The following SGIP1 variants were observed in gnomAD, a reference collection of about 807,000 sequenced individuals.
SGIP1 encodes SH3-containing GRB2-like protein 3-interacting protein 1.
A neutral mutation model predicts 107.5 loss-of-function variants in SGIP1; 38 were observed. That is an observed-to-expected ratio of 0.35 (90% CI 0.27 to 0.46). SGIP1 has a LOEUF of 0.46. Ranked by LOEUF, SGIP1 falls within the 20% of genes least tolerant of loss-of-function variation. SGIP1 has a pLI of 1.00. For missense variants in SGIP1, 929 were observed against 1,019.5 expected (o/e 0.91, Z 1.21); for synonymous variants, 365 against 366.1 (o/e 1.00, Z 0.03).
At chr1:66,741,460 C>T in intron 24 of SGIP1, 24 bp downstream of exon 24, 1 of 1,538,204 alleles carries the variant, frequency 6.5e-7, no homozygotes, top group Non-Finnish European at 8.8e-7. Context: ...TTGATTTTTT[C>T]ATTTGCGAAA....
rs1187116315 is a variant in SGIP1 at position 66,643,642 on chromosome 1, G to C, written c.382G>C (p.Asp128His). The C allele has an allele frequency of 6.2e-7, 1 of 1,611,316 alleles. No homozygotes were observed. The highest frequency in any genetic ancestry group is 1.7e-5 in the Admixed American group (1 of 59,372). Residue 128 changes from aspartate to histidine, a missense_variant, in exon 7 of 25, where the codon GAC becomes CAC. This residue lies in a region of SGIP1 where 588 missense variants were observed against 588.6 expected (regional missense o/e 1.00). Coordinates refer to ENST00000371037, the MANE Select transcript of SGIP1 (RefSeq NM_032291.4). ...NIKIKPLQSK[D>H]ILKNAATVDE... ...CAAGATTAAACCATTGCAATCTAAA[G>C]ACATTCTTAAGAATGCTGCAACTGT...
chr1:66,710,336 C>T (rs1229339556), intron 18 of SGIP1, among the ~76,000 whole-genome samples: 2 of 152,084 alleles, frequency 1.3e-5, no homozygotes, highest in Non-Finnish European at 2.9e-5. Context: ...GAGCCTGAAA[C>T]TGTATGTTAC....
chr1:66,741,323 C>T lies in SGIP1; in HGVS notation c.2351C>T (p.Pro784Leu), dbSNP rs2094440762. The T allele has an allele frequency of 1.2e-6, 2 of 1,606,016 alleles. No homozygotes were observed. The highest frequency in any genetic ancestry group is 2.7e-5 in the African/African-American group (2 of 74,528). The change falls in exon 24 of 25, where the codon CCT becomes CTT. Residue 784 changes from proline (P) to leucine (L), a missense_variant. Physicochemically the swap from Pro to Leu is moderately conservative, Grantham distance 98. This residue lies in a region of SGIP1 where 341 missense variants were observed against 430.9 expected (regional missense o/e 0.79). Transcript: ENST00000371037. ...CAGTTATCTGAAGGCCCAAGCAAAC[C>T]TTCTCCATTGGTTGTGCAGTTCACA... The part of the protein sequence containing the change: ...RFQLSEGPSK[P>L]SPLVVQFTSE...
intron 1 of SGIP1, among the ~76,000 whole-genome samples, chr1:66,548,573 G>A (rs2056848498): frequency 3.9e-5 from 6 of 152,084 alleles, no homozygotes; most frequent in Admixed American, 3.9e-4. Flanking sequence ...TGGCTTTGAA[G>A]CACTTCAATT....
At chr1:66,536,850 T>G (rs182395901) in intron 1 of SGIP1, among the ~76,000 whole-genome samples, 17 of 152,286 alleles carry the variant, frequency 1.1e-4, no homozygotes, top group African/African-American at 4.1e-4. Flanking sequence ...GGCTGTACAT[T>G]TCTATATTGC....
At chr1:66,696,910 C>T (rs1171979783) in intron 18 of SGIP1, among the ~76,000 whole-genome samples, 1 of 152,230 alleles carries the variant, frequency 6.6e-6, no homozygotes, top group African/African-American at 2.4e-5. Flanking sequence ...AAAGAAGAAA[C>T]TACAGTTGCA....
chr1:66,718,073 G>C (rs2093344739), intron 18 of SGIP1, among the ~76,000 whole-genome samples: 1 of 152,142 alleles, frequency 6.6e-6, no homozygotes, highest in South Asian at 2.1e-4. Context: ...AGATAAAAAA[G>C]AGACTAGCAT....
At chr1:66,619,471 C>A (rs2070367988) in intron 1 of SGIP1, among the ~76,000 whole-genome samples, 1 of 152,242 alleles carries the variant, frequency 6.6e-6, no homozygotes, top group African/African-American at 2.4e-5. Context: ...CTGGTTTGTA[C>A]CTGCCCCACC....
intron 20 of SGIP1, among the ~76,000 whole-genome samples, chr1:66,732,193 T>G (rs982011533): frequency 3.3e-5 from 5 of 152,210 alleles, no homozygotes; most frequent in Non-Finnish European, 5.9e-5. Flanking sequence ...AGATATTAAT[T>G]CTGAACCTCT....
intron 1 of SGIP1, among the ~76,000 whole-genome samples, chr1:66,541,176 G>T (rs1393098014): frequency 1.3e-5 from 2 of 152,186 alleles, no homozygotes; most frequent in Non-Finnish European, 2.9e-5. Context: ...TCCTAGTCTG[G>T]AACTGTTTAT....
At chr1:66,549,188 TTCCTTCC>T in intron 1 of SGIP1, among the ~76,000 whole-genome samples, 2 of 139,838 alleles carry the variant, frequency 1.4e-5, no homozygotes, top group Admixed American at 1.5e-4. Context: ...CCTTCCTTCC[TTCCTTCC>T]TTCCCTTCCT....
chr1:66,599,327 T>C (rs2065306908), intron 1 of SGIP1, among the ~76,000 whole-genome samples: 1 of 152,164 alleles, frequency 6.6e-6, no homozygotes, highest in Non-Finnish European at 1.5e-5. Context: ...ATAAGATAGG[T>C]ATAATCAGCC....
chr1:66,658,913 T>C (rs927049540), intron 7 of SGIP1, among the ~76,000 whole-genome samples: 2 of 152,090 alleles, frequency 1.3e-5, no homozygotes, highest in African/African-American at 4.8e-5. Flanking sequence ...CCTTGAAGAA[T>C]GAGTAATTTT....
At chr1:66,662,506 AGCAAAAGGT>A (rs1176054561) in intron 8 of SGIP1, among the ~76,000 whole-genome samples, 16 of 152,358 alleles carry the variant, frequency 1.1e-4, no homozygotes, top group South Asian at 8.3e-4. Context: ...AATTCTGTTA[AGCAAAAGGT>A]AATAGAACTG....
At chr1:66,565,559 A>G (rs1035988575) in intron 1 of SGIP1, among the ~76,000 whole-genome samples, 36 of 152,116 alleles carry the variant, frequency 2.4e-4, no homozygotes, top group African/African-American at 7.9e-4. Flanking sequence ...CAGTAAAAAA[A>G]TTCCAAGTGA....
At position 66,690,202 on chromosome 1, in the gene SGIP1, A is replaced by C; in HGVS notation, c.1456A>C (p.Ser486Arg). The stretch of plus-strand genomic sequence containing the variant: ...CTTCTCCTTACAGTCCAGACCTTTT[A>C]GCCCTCCCATTCATTCTTCCAGCCC... ...PGVGDVSRPFSPPIHSSSPPP... is the reference protein window; with the variant it reads ...PGVGDVSRPFRPPIHSSSPPP... The change falls in exon 17 of 25, where the codon AGC becomes CGC. Residue 486 changes from serine (S) to arginine (R), a missense_variant. Around this residue, in one of 2 missense-constraint regions of SGIP1, gnomAD observed 341 missense variants for 430.9 expected, o/e 0.79. Coordinates refer to ENST00000371037, the MANE Select transcript of SGIP1 (RefSeq NM_032291.4). 1 of 1,614,094 alleles carries C rather than the reference A, an allele frequency of 6.2e-7. No individual in the cohort carries two copies. The highest frequency in any genetic ancestry group is 8.5e-7 in the Non-Finnish European group (1 of 1,179,968).
intron 7 of SGIP1, among the ~76,000 whole-genome samples, chr1:66,650,152 C>G (rs72669463): frequency 0.13 from 20,370 of 152,094 alleles, 1,410 homozygotes; most frequent in African/African-American, 0.15. Flanking sequence ...ATTAATTACC[C>G]ATTAATTACC....
Position 66,707,856 on chromosome 1 carries a change from T to C in SGIP1, c.1631-11438T>C, listed in dbSNP as rs140741203. Among the ~76,000 whole-genome samples, 933 of 152,274 alleles carry C rather than the reference T, an allele frequency of 6.1e-3. 4 individuals are homozygous for C. Among genetic ancestry groups the C allele is most frequent in the Admixed American group, 0.022 (335 of 15,284 alleles). ...TCTGTTAGACCTTGTTTTTCCCTAA[T>C]TGCTCCCCAAGTCGAATTCTAATAT... On this transcript the variant is annotated intron_variant, in intron 18 of 24. Transcript: ENST00000371037.
chr1:66,589,561 C>A (rs913412516), intron 1 of SGIP1, among the ~76,000 whole-genome samples: 3 of 151,952 alleles, frequency 2.0e-5, no homozygotes, highest in African/African-American at 7.2e-5. Context: ...TTGTGCCTCC[C>A]CACCAACCAG....
Sources: allele counts gnomAD v4.1 joint callset (sites outside exome capture counted in the v4.1 genomes callset), GRCh38; gene constraint gnomAD v4.1.1; regional missense constraint gnomAD v4.1.1; transcripts MANE v1.5; gene names NCBI Gene and HGNC (gene_info 2026-07-23, HGNC 2026-07-21).